The following UBA6 variants were observed in gnomAD, a reference collection of about 807,000 sequenced individuals.
UBA6 encodes ubiquitin like modifier activating enzyme 6.
A neutral mutation model predicts 148.3 loss-of-function variants in UBA6; 87 were observed. The observed-to-expected ratio is 0.59, with a 90% confidence interval of 0.49 to 0.70. The LOEUF (loss-of-function observed/expected upper bound fraction) is 0.70. Ranked by LOEUF, UBA6 falls within the 30% of genes least tolerant of loss-of-function variation. UBA6 has a pLI of 0.00. For synonymous variants in UBA6, 376 were observed against 401.0 expected, an observed-to-expected ratio of 0.94 and a Z score of 0.75; for missense variants, 1,186 against 1,241.2, an observed-to-expected ratio of 0.96 and a Z score of 0.67.
intron 1 of UBA6, among the ~76,000 whole-genome samples, chr4:67,699,685 C>T (rs961219087): frequency 2.0e-5 from 3 of 152,152 alleles, no homozygotes; most frequent in African/African-American, 7.2e-5. Flanking sequence ...ACTGCAGCCT[C>T]GATCTCTCTA....
intron 29 of UBA6, among the ~76,000 whole-genome samples, chr4:67,624,739 T>A (rs371483229): frequency 3.9e-5 from 6 of 152,102 alleles, no homozygotes; most frequent in African/African-American, 1.2e-4. Context: ...TAAAGATCAG[T>A]GAAAAGATTA....
chr4:67,694,215 CAAAAAAAAAAAAAA>C (rs769649769), intron 2 of UBA6, among the ~76,000 whole-genome samples: 9 of 41,872 alleles, frequency 2.1e-4, no homozygotes, highest in South Asian at 1.3e-3. Context: ...GACTCCATCT[CAAAAAAAAAAAAAA>C]AAAAAAAAAA....
chr4:67,682,283 G>C lies in UBA6; in HGVS notation c.135-70C>G, dbSNP rs368524392. The C allele has an allele frequency of 1.4e-5, 17 of 1,223,834 alleles. No individual in the cohort carries two copies. In the African/African-American group the frequency reaches 1.8e-4, roughly 13 times the overall value. The allele number at this position is 1,223,834 out of a possible 1,614,324, so 75.8% of individuals were successfully genotyped here. ...ATTATAATATCTCTTAAAGTTGTTT[G>C]CAAACTAAAAGCCTAGGAACTCAAT... On this transcript the variant is annotated intron_variant, in intron 2 of 32. Transcript: ENST00000322244.
chr4:67,662,112 A>AT (rs765965514), intron 13 of UBA6, 77 bp downstream of exon 13: 1 of 1,396,318 alleles, frequency 7.2e-7, no homozygotes, highest in African/African-American at 1.4e-5. Context: ...GATGTGAAGG[A>AT]TAAGAGAATA....
intron 32 of UBA6, among the ~76,000 whole-genome samples, chr4:67,620,064 A>C (rs1236886989): frequency 6.6e-6 from 1 of 152,168 alleles, no homozygotes; most frequent in Non-Finnish European, 1.5e-5. Context: ...CCATTTCACA[A>C]AGATATTTTG....
chr4:67,623,487 GTCTC>G (rs971375965), intron 30 of UBA6, among the ~76,000 whole-genome samples: 5 of 152,066 alleles, frequency 3.3e-5, no homozygotes, highest in African/African-American at 9.7e-5. Context: ...AGACAGTGTT[GTCTC>G]TCTCTTTTTA....
intron 2 of UBA6, among the ~76,000 whole-genome samples, chr4:67,694,308 TTTAAG>T (rs1730779112): frequency 7.1e-6 from 1 of 140,260 alleles, no homozygotes; most frequent in African/African-American, 2.6e-5. Flanking sequence ...CCCTCAAACA[TTTAAG>T]TTAATTTTTA....
At chr4:67,658,900 G>A (rs969913062) in intron 13 of UBA6, among the ~76,000 whole-genome samples, 4 of 152,142 alleles carry the variant, frequency 2.6e-5, no homozygotes, top group Non-Finnish European at 4.4e-5. Context: ...TTGCATTACG[G>A]AATGGTTTAC....
At chr4:67,684,428 T>C (rs1560500501) in intron 2 of UBA6, among the ~76,000 whole-genome samples, 1 of 149,320 alleles carries the variant, frequency 6.7e-6, no homozygotes, top group Non-Finnish European at 1.5e-5. Context: ...TAATTATGAT[T>C]CTTTTTTTAT....
intron 23 of UBA6, 72 bp downstream of exon 23, chr4:67,633,273 T>C (rs1000940822): frequency 7.5e-7 from 1 of 1,336,908 alleles, no homozygotes. Flanking sequence ...TTCAGGTCAA[T>C]GAAATTAATT....
In UBA6 at chr4:67,639,074, T is replaced by G. The variant is rs766141706; in HGVS notation, c.1605A>C (p.Gln535His). ...AADATLKINS[Q>H]IKIDAHLNKV... The stretch of plus-strand genomic sequence containing the variant: ...TGTTCAGGTGTGCATCTATCTTTAT[T>G]TGAGAATTTATTTTCAGAGTAGCAT... Residue 535 changes from glutamine (Q) to histidine (H), a missense_variant, in exon 19 of 33, where the codon CAA becomes CAC. Gln to His is a conservative substitution (Grantham distance 24). Transcript: ENST00000322244. 7 of 1,613,568 alleles carry G rather than the reference T, an allele frequency of 4.3e-6. No individual in the cohort carries two copies. In the South Asian group the frequency reaches 7.7e-5, roughly 18 times the overall value.
chr4:67,632,723 G>A (rs1283282978), intron 23 of UBA6, among the ~76,000 whole-genome samples: 2 of 152,158 alleles, frequency 1.3e-5, no homozygotes, highest in East Asian at 3.8e-4. Context: ...AGTGGGGTGT[G>A]GTGGCGTGCA....
intron 30 of UBA6, 47 bp from the exon 31 acceptor site, chr4:67,623,269 T>C (rs1315775994): frequency 6.9e-7 from 1 of 1,456,448 alleles, no homozygotes; most frequent in Non-Finnish European, 9.6e-7. Flanking sequence ...ATTTTCTTCC[T>C]TTTAGTGATG....
At chr4:67,677,987 T>A (rs771914446) in intron 5 of UBA6, among the ~76,000 whole-genome samples, 2 of 140,876 alleles carry the variant, frequency 1.4e-5, no homozygotes, top group Non-Finnish European at 3.2e-5. Flanking sequence ...CTTAACTTTC[T>A]TAATAATTTA....
Position 67,624,980 on chromosome 4 carries a change from A to T in UBA6, c.2712+14T>A. 1.9e-6 allele frequency: 3 copies of T among 1,560,098 alleles called. No homozygotes were observed. Among genetic ancestry groups the T allele is most frequent in the Non-Finnish European group, 2.6e-6 (3 of 1,142,938 alleles). ...GAAAAAGGAGCATTTTTATTCAAGG[A>T]ATAATAAACTTACCAAGCCAGAAAC... is the stretch of plus-strand genomic sequence containing the variant. On this transcript the variant is annotated intron_variant, in intron 29 of 32. Transcript: ENST00000322244.
rs181903895 is a variant in UBA6 at position 67,694,950 on chromosome 4, C to T, written c.134+1695G>A. Among the ~76,000 whole-genome samples, 444 of 152,292 alleles carry T rather than the reference C, an allele frequency of 2.9e-3. 1 individual carries two copies. The highest frequency in any genetic ancestry group is 5.0e-3 in the Admixed American group (76 of 15,296). The stretch of plus-strand genomic sequence containing the variant: ...CGTCAAACAAAAGAAAATGGCTTAC[C>T]TCTAATAATAACAGCTAAACTGCTA... On this transcript the variant is annotated intron_variant, in intron 2 of 32. Coordinates refer to ENST00000322244, the MANE Select transcript of UBA6 (RefSeq NM_018227.6).
intron 9 of UBA6, 121 bp from the exon 10 acceptor site, chr4:67,665,413 G>GT (rs369502391): frequency 0.24 from 98,463 of 405,084 alleles, 10,068 homozygotes; most frequent in Middle Eastern, 0.28. Flanking sequence ...CCAGCATAGT[G>GT]TTTTTTTTTG....
intron 2 of UBA6, among the ~76,000 whole-genome samples, chr4:67,695,096 A>T (rs1020092378): frequency 6.6e-6 from 1 of 152,242 alleles, no homozygotes; most frequent in African/African-American, 2.4e-5. Context: ...GAGGGACATT[A>T]AAAAAGTTTC....
intron 1 of UBA6, among the ~76,000 whole-genome samples, chr4:67,697,610 T>C (rs1730871470): frequency 6.6e-6 from 1 of 152,234 alleles, no homozygotes; most frequent in Non-Finnish European, 1.5e-5. Context: ...GCTACCATCA[T>C]TTACTGGGTT....
Sources: gnomAD v4.1 joint callset for allele counts (sites outside exome capture counted in the v4.1 genomes callset) on GRCh38, gnomAD v4.1.1 for gene constraint, MANE v1.5 for transcripts, NCBI Gene and HGNC (gene_info 2026-07-23, HGNC 2026-07-21) for gene names.